FARS2: variants seen among roughly 807,000 people sequenced by gnomAD.
FARS2 encodes phenylalanyl-tRNA synthetase 2, mitochondrial, also known as phenylalanine--tRNA ligase, mitochondrial.
FARS2 carries 40 observed loss-of-function variants against 46.4 expected under a neutral mutation model. That is an observed-to-expected ratio of 0.86 (90% CI 0.67 to 1.12). FARS2 has a LOEUF of 1.12. Ranked by LOEUF, FARS2 falls within the 50% of genes most tolerant of loss-of-function variation. FARS2 has a pLI of 0.00. For missense variants in FARS2, 513 were observed against 567.9 expected, an observed-to-expected ratio of 0.90 and a Z score of 0.98; for synonymous variants, 234 against 214.9, an observed-to-expected ratio of 1.09 and a Z score of -0.78.
Position 5,717,927 on chromosome 6 carries a change from T to TAGAGAGAGAGAGAGAGAGAG in FARS2, c.1218-53363_1218-53362insGAGAGAGAGAGAGAGAGAGA, listed in dbSNP as rs1410102835. 2.5e-3 allele frequency among the ~76,000 whole-genome samples: 183 copies of TAGAGAGAGAGAGAGAGAGAG among 74,224 alleles called. 2 individuals carry two copies. Among genetic ancestry groups the TAGAGAGAGAGAGAGAGAGAG allele is most frequent in the African/African-American group, 3.9e-3 (36 of 9,270 alleles). 48.7% of individuals were successfully genotyped at this position (74,224 alleles called of 152,430 possible). On this transcript the variant is annotated intron_variant, in intron 6 of 6. Transcript: ENST00000274680. ...TATCAGCTATATATATATATATATATATATATATACAGAGTCTCACTCTGT... is the reference window on the plus strand; with the variant it reads ...TATCAGCTATATATATATATATATATAGAGAGAGAGAGAGAGAGAGATATATATACAGAGTCTCACTCTGT...
At chr6:5,672,529 T>G (rs1286113181) in intron 6 of FARS2, among the ~76,000 whole-genome samples, 1 of 152,200 alleles carries the variant, frequency 6.6e-6, no homozygotes, top group African/African-American at 2.4e-5. Flanking sequence ...AAGTAAACCA[T>G]GGGTTACATA....
intron 2 of FARS2, among the ~76,000 whole-genome samples, chr6:5,389,821 C>T (rs1760377078): frequency 6.6e-6 from 1 of 151,642 alleles, no homozygotes; most frequent in Non-Finnish European, 1.5e-5. Flanking sequence ...GCTCCTACTA[C>T]AGTTTTTTTG....
intron 6 of FARS2, chr6:5,664,920 T>C (rs1406794057): frequency 6.6e-6 from 1 of 152,254 alleles, no homozygotes; most frequent in Non-Finnish European, 1.5e-5. Flanking sequence ...CTTCATCTGG[T>C]TTCCTGTATC....
intron 6 of FARS2, among the ~76,000 whole-genome samples, chr6:5,640,703 A>G (rs532184350): frequency 1.3e-5 from 2 of 152,288 alleles, no homozygotes; most frequent in South Asian, 2.1e-4. Context: ...AAATTAACCT[A>G]ACAATACTGC....
At chr6:5,610,201 C>T (rs940353566) in intron 5 of FARS2, 17 of 654,390 alleles carry the variant, frequency 2.6e-5, no homozygotes, top group Middle Eastern at 4.3e-4. Flanking sequence ...TTAGACAGGA[C>T]GGCAGGGAGA....
intron 4 of FARS2, among the ~76,000 whole-genome samples, chr6:5,457,243 A>G (rs1449361886): frequency 6.6e-6 from 1 of 151,880 alleles, no homozygotes; most frequent in Non-Finnish European, 1.5e-5. Context: ...ATCCTCCACC[A>G]CACCCACCTC....
At chr6:5,494,346 G>T (rs559956760) in intron 4 of FARS2, among the ~76,000 whole-genome samples, 1 of 152,144 alleles carries the variant, frequency 6.6e-6, no homozygotes, top group African/African-American at 2.4e-5. Flanking sequence ...GGCGGAGAAC[G>T]CTCAGGAGGC....
chr6:5,455,088 G>A (rs1361985683), intron 4 of FARS2, among the ~76,000 whole-genome samples: 2 of 152,192 alleles, frequency 1.3e-5, no homozygotes, highest in Admixed American at 1.3e-4. Context: ...CACGATACCT[G>A]GCACAGAGCG....
rs149624107 is a variant in FARS2 at position 5,390,115 on chromosome 6, C to T, written c.613-14427C>T. Among the ~76,000 whole-genome samples the T allele has an allele frequency of 2.8e-3, 433 of 152,252 alleles. 1 individual carries two copies. The highest frequency in any genetic ancestry group is 0.01 in the African/African-American group (418 of 41,540). The stretch of plus-strand genomic sequence containing the variant: ...CTGGCCTCAAGTGATCCACCCATGT[C>T]GGCCTCCCAAAGTGCTGGGATTACA... On this transcript the variant is annotated intron_variant, in intron 2 of 6. Transcript: ENST00000274680.
At chr6:5,404,955 C>A (rs995941240) in intron 3 of FARS2, among the ~76,000 whole-genome samples, 4 of 152,068 alleles carry the variant, frequency 2.6e-5, no homozygotes, top group Non-Finnish European at 4.4e-5. Flanking sequence ...CCCATCACCA[C>A]ACTTGGCTAA....
intron 6 of FARS2, among the ~76,000 whole-genome samples, chr6:5,614,572 G>A (rs1452544084): frequency 6.6e-6 from 1 of 152,090 alleles, no homozygotes; most frequent in Non-Finnish European, 1.5e-5. Flanking sequence ...ACGGCCCCCG[G>A]CTAATTTTTT....
At chr6:5,656,695 C>T (rs567695347) in intron 6 of FARS2, among the ~76,000 whole-genome samples, 6 of 152,218 alleles carry the variant, frequency 3.9e-5, no homozygotes, top group Admixed American at 6.5e-5. Context: ...GGACTACAGG[C>T]GCATACTACC....
At chr6:5,368,459 G>A in intron 1 of FARS2, 91 bp from the exon 2 acceptor site, 1 of 1,155,098 alleles carries the variant, frequency 8.7e-7, no homozygotes, top group South Asian at 1.5e-5. Context: ...ATGCCAGTAG[G>A]ACAAGAGGGA....
chr6:5,332,471 T>C (rs1770864732), intron 1 of FARS2, among the ~76,000 whole-genome samples: 1 of 152,190 alleles, frequency 6.6e-6, no homozygotes, highest in African/African-American at 2.4e-5. Flanking sequence ...ATGGAAAGCA[T>C]GGAATGTTAA....
At chr6:5,514,423 AGGCTTGGCTGCAT>A (rs1320829118) in intron 4 of FARS2, among the ~76,000 whole-genome samples, 1 of 152,192 alleles carries the variant, frequency 6.6e-6, no homozygotes, top group African/African-American at 2.4e-5. Context: ...TTATTTAGAG[AGGCTTGGCTGCAT>A]TTAAAAGTCT....
chr6:5,677,280 C>T lies in FARS2; in HGVS notation c.1217+63960C>T, dbSNP rs374412113. 1.6e-4 allele frequency among the ~76,000 whole-genome samples: 25 copies of T among 152,164 alleles called. 1 individual carries two copies. The highest frequency in any genetic ancestry group is 5.5e-4 in the African/African-American group (23 of 41,442). Reference sequence around the variant, plus strand: ...TAAAAAGGCCTGGTCTGAAGAGGAACCGTAAAGTAGGTAAGGTTTGTGTTC... The same window carrying T: ...TAAAAAGGCCTGGTCTGAAGAGGAATCGTAAAGTAGGTAAGGTTTGTGTTC... On this transcript the variant is annotated intron_variant, in intron 6 of 6. Transcript: ENST00000274680.
chr6:5,406,253 A>G (rs144040546), intron 3 of FARS2, among the ~76,000 whole-genome samples: 2 of 152,340 alleles, frequency 1.3e-5, no homozygotes, highest in East Asian at 1.9e-4. Context: ...TAAGCTACAC[A>G]TATCTAAAGT....
At chr6:5,256,443 T>C (rs1273982364), upstream of FARS2, among the ~76,000 whole-genome samples, 1 of 116,610 alleles carries the variant, frequency 8.6e-6, no homozygotes, top group Non-Finnish European at 1.6e-5. Flanking sequence ...TGAGCCAAGA[T>C]CGCACCATTG....
At chr6:5,679,296 G>T (rs749397962) in intron 6 of FARS2, among the ~76,000 whole-genome samples, 2 of 152,132 alleles carry the variant, frequency 1.3e-5, no homozygotes, top group Non-Finnish European at 1.5e-5. Context: ...TCCTCAAAAT[G>T]AGTGATACCA....
Sources: allele counts gnomAD v4.1 joint callset (sites outside exome capture counted in the v4.1 genomes callset), GRCh38; gene constraint gnomAD v4.1.1; transcripts MANE v1.5; gene names NCBI Gene and HGNC (gene_info 2026-07-23, HGNC 2026-07-21).